Variants in IGSF11 observed in about 807,000 individuals in gnomAD.
IGSF11 encodes the protein immunoglobulin superfamily member 11.
A neutral mutation model predicts 41.0 loss-of-function variants in IGSF11; 22 were observed. The observed-to-expected ratio is 0.54, with a 90% CI of 0.38 to 0.77. IGSF11 has a LOEUF of 0.77. IGSF11 is among the 30% of genes least tolerant of loss of function. IGSF11 has a pLI of 0.00. For missense variants in IGSF11, 444 were observed against 530.8 expected, an observed-to-expected ratio of 0.84 and a Z score of 1.61; for synonymous variants, 219 against 201.3, an observed-to-expected ratio of 1.09 and a Z score of -0.74.
chr3:119,051,331 T>G (rs939490272), intron 1 of IGSF11, among the ~76,000 whole-genome samples: 6 of 151,978 alleles, frequency 3.9e-5, no homozygotes, highest in African/African-American at 1.4e-4. Flanking sequence ...TGTTCTTATT[T>G]ATATCAGACA....
intron 1 of IGSF11, among the ~76,000 whole-genome samples, chr3:118,948,867 G>C (rs1055167318): frequency 8.6e-5 from 13 of 151,568 alleles, no homozygotes; most frequent in Middle Eastern, 6.8e-3. Context: ...AGCTACTCGG[G>C]AGGCTCAGGC....
Position 119,058,451 on chromosome 3 carries a change from A to G in IGSF11, c.49+46693T>C, listed in dbSNP as rs369395176. Among the ~76,000 whole-genome samples, 276 of 152,070 alleles carry G rather than the reference A, an allele frequency of 1.8e-3. 3 individuals carry two copies. The highest frequency in any genetic ancestry group is 7.1e-3 in the South Asian group (34 of 4,818). On this transcript the variant is annotated intron_variant, in intron 1 of 6. Coordinates refer to the IGSF11 transcript ENST00000354673. ...ACCATCTCACACCAGTTAGAATGGC[A>G]ATCATTAAAAAGTCAGGAAACAACA...
intron 1 of IGSF11, among the ~76,000 whole-genome samples, chr3:119,071,379 A>C (rs1290656754): frequency 2.0e-5 from 3 of 152,212 alleles, no homozygotes; most frequent in Non-Finnish European, 4.4e-5. Flanking sequence ...TTTTGGTGTC[A>C]TATTTAAGAA....
In IGSF11 at chr3:119,063,074, C is replaced by T. The variant is rs1942104313; in HGVS notation, c.49+42070G>A. 2.0e-5 allele frequency among the ~76,000 whole-genome samples: 3 copies of T among 152,290 alleles called. No individual in the cohort carries two copies. In the South Asian group the frequency reaches 6.2e-4, roughly 32 times the overall value. The stretch of plus-strand genomic sequence containing the variant: ...TTGAGAATATACAATCTCCCAGGCT[C>T]TGTCCAGGGTACTGGTGATAATACA... On this transcript the variant is annotated intron_variant, in intron 1 of 6. Coordinates refer to the IGSF11 transcript ENST00000354673.
intron 1 of IGSF11, among the ~76,000 whole-genome samples, chr3:119,094,223 T>TTAA (rs1491294473): frequency 2.9e-5 from 1 of 35,074 alleles, no homozygotes; most frequent in African/African-American, 8.0e-5. Context: ...CATAGCGAAG[T>TTAA]AAAAAAAAAA....
At chr3:119,062,386 C>T (rs1323421192) in intron 1 of IGSF11, among the ~76,000 whole-genome samples, 4 of 152,164 alleles carry the variant, frequency 2.6e-5, no homozygotes, top group East Asian at 3.9e-4. Flanking sequence ...ATTAACACTT[C>T]CACAAATGCC....
chr3:118,902,584 A>G lies in IGSF11; in HGVS notation c.1232T>C (p.Leu411Pro), dbSNP rs1233752369. Residue 411 changes from leucine (L) to proline (P), a missense_variant, in exon 7 of 7, where the codon CTG becomes CCG. Transcript: ENST00000393775. ...THSYTISHAT[L>P]ERIGAVPVMV... ...GACAGGTACTGCACCAATTCGTTCC[A>G]GTGTTGCGTGGCTGATGGTGTAGGA... The G allele has an allele frequency of 6.2e-7, 1 of 1,613,652 alleles. No individual in the cohort carries two copies. Among genetic ancestry groups the G allele is most frequent in the East Asian group, 2.2e-5 (1 of 44,828 alleles).
chr3:119,036,317 C>A (rs1233427632), upstream of IGSF11, among the ~76,000 whole-genome samples: 2 of 152,158 alleles, frequency 1.3e-5, no homozygotes, highest in African/African-American at 4.8e-5. Context: ...TATCACGAGG[C>A]TCATTCTCAT....
chr3:118,960,494 C>A (rs895131741), intron 1 of IGSF11, among the ~76,000 whole-genome samples: 1 of 151,986 alleles, frequency 6.6e-6, no homozygotes, highest in African/African-American at 2.4e-5. Context: ...AAAATGTATC[C>A]TATACAGGTA....
rs1261119632 is a variant in IGSF11, at chr3:118,904,776, T to C, written c.726A>G (p.Leu242=). 6.2e-7 allele frequency: 1 copy of C among 1,611,642 alleles called. No homozygotes were observed. The highest frequency in any genetic ancestry group is 1.7e-5 in the Admixed American group (1 of 59,556). Residue 242 remains leucine (L), a synonymous_variant, in exon 6 of 7, where the codon CTA becomes CTG. Transcript: ENST00000393775. ...CACCAGTGCCAATGGCTCCAGCTAT[T>C]AGTCCAATGTTCCTGGGCTGGGCTG... ...VISPQPRNIG[L]IAGAIGTGAV... is the part of the protein sequence containing the mutation.
chr3:118,903,798 C>T (rs904488874), intron 6 of IGSF11, among the ~76,000 whole-genome samples: 1 of 152,152 alleles, frequency 6.6e-6, no homozygotes, highest in Non-Finnish European at 1.5e-5. Context: ...AGAATGTTTA[C>T]GAGTCTGAAA....
chr3:118,993,234 T>A (rs1384954305), intron 1 of IGSF11, among the ~76,000 whole-genome samples: 1 of 152,086 alleles, frequency 6.6e-6, no homozygotes, highest in Non-Finnish European at 1.5e-5. Context: ...ATGAAGTAAG[T>A]AAATAAGTAA....
At chr3:119,009,907 C>T (rs1460038222) in intron 1 of IGSF11, among the ~76,000 whole-genome samples, 1 of 152,008 alleles carries the variant, frequency 6.6e-6, no homozygotes, top group Non-Finnish European at 1.5e-5. Flanking sequence ...TTATACTATA[C>T]CTAGATTACA....
rs2076598306 is a variant in IGSF11 at position 119,082,308 on chromosome 3, C to A, written c.49+22836G>T. Among the ~76,000 whole-genome samples, 3 of 152,128 alleles carry A rather than the reference C, an allele frequency of 2.0e-5. No individual in the cohort carries two copies. The South Asian group carries it at 6.2e-4, about 31-fold the overall frequency. On this transcript the variant is annotated intron_variant, in intron 1 of 6. Transcript: ENST00000354673. Reference sequence around the variant, plus strand: ...ATACTTCATGCCATAATATCCTCCACACTTAACTACAGATTGGCCAGAAAT... The same window carrying A: ...ATACTTCATGCCATAATATCCTCCAAACTTAACTACAGATTGGCCAGAAAT...
At chr3:118,985,725 A>T (rs983551098) in intron 1 of IGSF11, among the ~76,000 whole-genome samples, 2 of 152,092 alleles carry the variant, frequency 1.3e-5, no homozygotes, top group African/African-American at 4.8e-5. Context: ...TGGTCTCCTC[A>T]ATTAGTCTCC....
At chr3:118,910,191 G>T (rs77991541) in intron 4 of IGSF11, among the ~76,000 whole-genome samples, 135 of 152,212 alleles carry the variant, frequency 8.9e-4, no homozygotes, top group Non-Finnish European at 1.5e-3. Context: ...TCAAAGAATG[G>T]CACATGGTGT....
chr3:119,098,088 C>T (rs2076884453), intron 1 of IGSF11, among the ~76,000 whole-genome samples: 1 of 151,078 alleles, frequency 6.6e-6, no homozygotes, highest in Admixed American at 6.6e-5. Flanking sequence ...GTGTGAGCCA[C>T]CGCACCGAGC....
chr3:119,017,179 A>G (rs1293023468), intron 1 of IGSF11, among the ~76,000 whole-genome samples: 2 of 152,198 alleles, frequency 1.3e-5, no homozygotes, highest in South Asian at 4.1e-4. Context: ...AAATACAGTC[A>G]CGTTTCACTT....
At chr3:119,016,535 T>C (rs1365437607) in intron 1 of IGSF11, among the ~76,000 whole-genome samples, 2 of 152,156 alleles carry the variant, frequency 1.3e-5, no homozygotes, top group Non-Finnish European at 2.9e-5. Flanking sequence ...CTGAAGCAAA[T>C]AGTTCAATGT....
Sources: allele counts gnomAD v4.1 joint callset (sites outside exome capture counted in the v4.1 genomes callset), GRCh38; gene constraint gnomAD v4.1.1; transcripts MANE v1.5; gene names NCBI Gene and HGNC (gene_info 2026-07-23, HGNC 2026-07-21).